RBMS1: variants seen among roughly 807,000 people sequenced by gnomAD.
RBMS1 encodes the protein RNA-binding motif, single-stranded-interacting protein 1.
In RBMS1, 17 loss-of-function variants were observed where a neutral mutation model predicts 62.3. The observed-to-expected ratio is 0.27, with a 90% confidence interval of 0.19 to 0.41. The LOEUF (loss-of-function observed/expected upper bound fraction) is 0.41, where lower values mean the gene tolerates loss of function less well. RBMS1 is among the 10% of genes least tolerant of loss of function. RBMS1 has a pLI of 1.00. For synonymous variants in RBMS1, 172 were observed against 170.0 expected (o/e 1.01, Z -0.09); for missense variants, 334 against 504.5 (o/e 0.66, Z 3.24).
chr2:160,482,333 G>A (rs1343773210), intron 1 of RBMS1, among the ~76,000 whole-genome samples: 1 of 152,098 alleles, frequency 6.6e-6, no homozygotes, highest in African/African-American at 2.4e-5. Context: ...GTCTGGTTCT[G>A]GAAATGTTAT....
chr2:160,437,879 G>A (rs1343374054), intron 1 of RBMS1, among the ~76,000 whole-genome samples: 1 of 152,192 alleles, frequency 6.6e-6, no homozygotes, highest in Admixed American at 6.5e-5. Flanking sequence ...CCTCATTTAA[G>A]GGATTAATGA....
At chr2:160,456,845 T>C (rs1684256143) in intron 1 of RBMS1, among the ~76,000 whole-genome samples, 1 of 152,124 alleles carries the variant, frequency 6.6e-6, no homozygotes, top group African/African-American at 2.4e-5. Flanking sequence ...TTCCAATCAG[T>C]TCAATTCAAT....
intron 2 of RBMS1, among the ~76,000 whole-genome samples, chr2:160,363,620 A>C (rs1175362661): frequency 2.0e-5 from 3 of 152,236 alleles, no homozygotes; most frequent in African/African-American, 7.2e-5. Context: ...CACAAAACTT[A>C]GTGACAAAGG....
chr2:160,291,403 TTCAACACTCC>T (rs1239860003), intron 6 of RBMS1, among the ~76,000 whole-genome samples: 17 of 152,210 alleles, frequency 1.1e-4, no homozygotes, highest in African/African-American at 4.1e-4. Flanking sequence ...GTTGGCTACT[TTCAACACTCC>T]TCAACTCACA....
At chr2:160,373,636 G>A (rs1025023458) in intron 1 of RBMS1, among the ~76,000 whole-genome samples, 9 of 152,134 alleles carry the variant, frequency 5.9e-5, no homozygotes, top group Non-Finnish European at 1.2e-4. Context: ...AGGGGTATGG[G>A]TGTGTGAATA....
intron 2 of RBMS1, among the ~76,000 whole-genome samples, chr2:160,345,438 G>GTT: frequency 6.9e-6 from 1 of 144,706 alleles, no homozygotes; most frequent in Non-Finnish European, 1.5e-5. Flanking sequence ...AAAGTGAGGA[G>GTT]ACCTGAAGTA....
intron 1 of RBMS1, among the ~76,000 whole-genome samples, chr2:160,460,107 C>T (rs771962422): frequency 6.6e-6 from 1 of 152,194 alleles, no homozygotes; most frequent in South Asian, 2.1e-4. Context: ...CTCCACTCCT[C>T]CCCCAGTGGT....
At chr2:160,321,350 T>C (rs1282901564) in intron 2 of RBMS1, among the ~76,000 whole-genome samples, 1 of 152,074 alleles carries the variant, frequency 6.6e-6, no homozygotes, top group Non-Finnish European at 1.5e-5. Context: ...CTTCCTCTTC[T>C]CCCTCCTTAA....
At chr2:160,285,970 G>A (rs1480089215) in intron 7 of RBMS1, among the ~76,000 whole-genome samples, 2 of 151,880 alleles carry the variant, frequency 1.3e-5, no homozygotes, top group Non-Finnish European at 2.9e-5. Flanking sequence ...AATTAGCCGC[G>A]CATGGTGGTG....
intron 12 of RBMS1, 140 bp downstream of exon 12, chr2:160,277,163 G>A: frequency 1.4e-6 from 1 of 726,864 alleles, no homozygotes; most frequent in East Asian, 2.8e-5. Context: ...TGGACTTACA[G>A]GCATGACCCA....
intron 2 of RBMS1, among the ~76,000 whole-genome samples, chr2:160,333,659 A>G (rs555615404): frequency 6.6e-6 from 1 of 152,260 alleles, no homozygotes; most frequent in East Asian, 1.9e-4. Flanking sequence ...CCCAAACCAC[A>G]CAATTCACTG....
intron 1 of RBMS1, among the ~76,000 whole-genome samples, chr2:160,411,879 G>A (rs556171563): frequency 6.6e-6 from 1 of 152,294 alleles, no homozygotes; most frequent in South Asian, 2.1e-4. Flanking sequence ...GGGCATTTTT[G>A]TAAAAAACTG....
intron 1 of RBMS1, among the ~76,000 whole-genome samples, chr2:160,391,306 C>T (rs1694854398): frequency 6.6e-6 from 1 of 151,258 alleles, no homozygotes; most frequent in Non-Finnish European, 1.5e-5. Context: ...AGTTATGTTG[C>T]CACAAGTCAA....
intron 1 of RBMS1, among the ~76,000 whole-genome samples, chr2:160,434,260 TA>T (rs1683025347): frequency 6.6e-6 from 1 of 152,142 alleles, no homozygotes; most frequent in African/African-American, 2.4e-5. Flanking sequence ...CTAGTCCATT[TA>T]AAAAACAAAT....
intron 1 of RBMS1, among the ~76,000 whole-genome samples, chr2:160,388,122 G>A (rs1401902312): frequency 2.6e-5 from 4 of 152,110 alleles, no homozygotes; most frequent in Non-Finnish European, 5.9e-5. Context: ...TTTTAACTCA[G>A]TTACTCATAA....
intron 2 of RBMS1, among the ~76,000 whole-genome samples, chr2:160,357,306 C>T (rs1169156408): frequency 6.6e-6 from 1 of 152,066 alleles, no homozygotes; most frequent in Non-Finnish European, 1.5e-5. Context: ...AACGGGTTTG[C>T]CAACAGCTTG....
chr2:160,452,217 A>T (rs1183530022), intron 1 of RBMS1, among the ~76,000 whole-genome samples: 1 of 152,116 alleles, frequency 6.6e-6, no homozygotes, highest in Non-Finnish European at 1.5e-5. Context: ...AAAAAGATAC[A>T]GATTGATATG....
At chr2:160,326,997 C>T (rs1445008688) in intron 2 of RBMS1, among the ~76,000 whole-genome samples, 1 of 152,192 alleles carries the variant, frequency 6.6e-6, no homozygotes, top group African/African-American at 2.4e-5. Context: ...GATGCAAAGC[C>T]TGCAGATTTG....
intron 2 of RBMS1, among the ~76,000 whole-genome samples, chr2:160,361,331 C>T (rs1039344450): frequency 6.6e-6 from 1 of 152,208 alleles, no homozygotes; most frequent in Non-Finnish European, 1.5e-5. Context: ...AGAGCCATTA[C>T]CAAATCTTGC....
Sources: allele counts gnomAD v4.1 joint callset (sites outside exome capture counted in the v4.1 genomes callset), GRCh38; gene constraint gnomAD v4.1.1; transcripts MANE v1.5; gene names NCBI Gene and HGNC (gene_info 2026-07-23, HGNC 2026-07-21).